USP48: variants seen among roughly 807,000 people sequenced by gnomAD.
USP48 encodes ubiquitin carboxyl-terminal hydrolase 48.
In USP48, 43 loss-of-function variants were observed where a neutral mutation model predicts 150.7. The observed-to-expected ratio is 0.29, with a 90% CI of 0.22 to 0.37. The LOEUF (loss-of-function observed/expected upper bound fraction) is 0.37, where lower values mean the gene tolerates loss of function less well. Among genes scored for constraint, USP48 ranks in the 10% least tolerant of loss-of-function variants. The pLI, the probability that USP48 is intolerant of heterozygous loss-of-function variation, is 1.00. For missense variants in USP48, 813 were observed against 1,249.6 expected (o/e 0.65, Z 5.27); for synonymous variants, 396 against 425.9 (o/e 0.93, Z 0.86).
Position 21,721,173 on chromosome 1 carries a change from A to C in USP48, c.1764-7T>G. 6.2e-7 allele frequency: 1 copy of C among 1,613,860 alleles called. No individual in the cohort carries two copies. Among genetic ancestry groups the C allele is most frequent in the East Asian group, 2.2e-5 (1 of 44,878 alleles). On this transcript the variant is annotated splice_region_variant and splice_polypyrimidine_tract_variant and intron_variant, in intron 13 of 26. Coordinates refer to ENST00000308271, the MANE Select transcript of USP48 (RefSeq NM_032236.8). Reference sequence around the variant, plus strand: ...CACCCAAAATCCATCGCTGCTGTGGAACAGAGAGAATGTTAAATCATATAA... The same window carrying C: ...CACCCAAAATCCATCGCTGCTGTGGCACAGAGAGAATGTTAAATCATATAA...
At chr1:21,762,821 A>G (rs896782580) in intron 1 of USP48, among the ~76,000 whole-genome samples, 20 of 144,686 alleles carry the variant, frequency 1.4e-4, no homozygotes, top group African/African-American at 5.2e-4. Context: ...AGCCGAGATC[A>G]CGCCACTGCA....
At chr1:21,734,740 T>G (rs1339757043) in intron 9 of USP48, among the ~76,000 whole-genome samples, 1 of 152,150 alleles carries the variant, frequency 6.6e-6, no homozygotes, top group Non-Finnish European at 1.5e-5. Context: ...GTGCTGTGTG[T>G]TAGATTTCCA....
At chr1:21,753,719 T>A (rs333201) in intron 3 of USP48, among the ~76,000 whole-genome samples, 11,495 of 145,022 alleles carry the variant, frequency 0.079, 489 homozygotes, top group Middle Eastern at 0.13. Context: ...CCCTGCTACT[T>A]GGGAGGCTGG....
intron 22 of USP48, among the ~76,000 whole-genome samples, chr1:21,697,079 G>C (rs1040986165): frequency 1.3e-5 from 2 of 152,114 alleles, no homozygotes; most frequent in Non-Finnish European, 2.9e-5. Flanking sequence ...CCGTGTATAA[G>C]CAAAGTGGTT....
chr1:21,712,707 C>A (rs946608579), intron 15 of USP48, among the ~76,000 whole-genome samples: 2 of 150,682 alleles, frequency 1.3e-5, no homozygotes, highest in Non-Finnish European at 2.9e-5. Context: ...TGGCTCACTG[C>A]AACCTCCGCC....
rs2097820832 is a variant in USP48 at position 21,753,067 on chromosome 1, C to T, written c.465G>A (p.Leu155=). The T allele has an allele frequency of 6.2e-7, 1 of 1,612,726 alleles. No homozygotes were observed. The highest frequency in any genetic ancestry group is 1.7e-5 in the Admixed American group (1 of 59,750). ...CAATGTATCGCCTATTACTGTTTTG[C>T]AACAAGGCAAACAAGTACTGGAGAT... The part of the protein sequence containing the change: ...CEHLQYLFAL[L]QNSNRRYIDP... The change falls in exon 4 of 27, where the codon TTG becomes TTA. Residue 155 remains leucine, a synonymous_variant. Transcript: ENST00000308271.
At chr1:21,718,300 A>C (rs1022570765) in intron 14 of USP48, among the ~76,000 whole-genome samples, 1 of 152,246 alleles carries the variant, frequency 6.6e-6, no homozygotes, top group African/African-American at 2.4e-5. Context: ...AGAGATGTAC[A>C]ACTGTGCCCA....
intron 8 of USP48, among the ~76,000 whole-genome samples, chr1:21,743,347 CAT>C (rs1451970778): frequency 1.3e-5 from 2 of 152,126 alleles, no homozygotes; most frequent in African/African-American, 2.4e-5. Flanking sequence ...CAGCTGAAAA[CAT>C]ATAAATGTCC....
At chr1:21,756,341 C>T (rs897402671) in intron 3 of USP48, among the ~76,000 whole-genome samples, 30 of 151,558 alleles carry the variant, frequency 2.0e-4, no homozygotes, top group African/African-American at 7.3e-4. Context: ...ACTAGCCAGG[C>T]GTGGTGGCGG....
chr1:21,774,899 A>G (rs1440016605), intron 1 of USP48, among the ~76,000 whole-genome samples: 1 of 151,370 alleles, frequency 6.6e-6, no homozygotes, highest in East Asian at 2.0e-4. Flanking sequence ...GCTGAGGCCC[A>G]AGAATCACTT....
chr1:21,706,276 C>T (rs1449323796), intron 17 of USP48, 89 bp from the exon 18 acceptor site: 1 of 1,523,120 alleles, frequency 6.6e-7, no homozygotes, highest in Non-Finnish European at 8.9e-7. Flanking sequence ...TGTCCTTATT[C>T]AAGTTTTATA....
intron 7 of USP48, among the ~76,000 whole-genome samples, 193 bp downstream of exon 7, chr1:21,747,945 T>C (rs965365133): frequency 2.0e-5 from 3 of 152,362 alleles, no homozygotes; most frequent in Non-Finnish European, 4.4e-5. Context: ...CATTTATATA[T>C]GGTTGGCTTC....
chr1:21,697,868 A>C (rs989302700), intron 22 of USP48, among the ~76,000 whole-genome samples: 1 of 152,080 alleles, frequency 6.6e-6, no homozygotes. Context: ...TCCTGGAATT[A>C]TTTCTTTCTT....
At chr1:21,727,304 G>T (rs2097741077) in intron 11 of USP48, among the ~76,000 whole-genome samples, 2 of 152,114 alleles carry the variant, frequency 1.3e-5, no homozygotes, top group South Asian at 2.1e-4. Flanking sequence ...AAATGGAAAA[G>T]AATTATATAG....
intron 12 of USP48, 89 bp from the exon 13 acceptor site, chr1:21,721,853 C>T: frequency 1.1e-6 from 1 of 941,380 alleles, no homozygotes; most frequent in African/African-American, 1.7e-5. Flanking sequence ...CAAACACAGA[C>T]ACATTCTAAA....
intron 3 of USP48, among the ~76,000 whole-genome samples, chr1:21,755,330 G>C (rs1012232073): frequency 3.3e-5 from 5 of 152,236 alleles, no homozygotes; most frequent in African/African-American, 1.2e-4. Flanking sequence ...GGAGACCAAG[G>C]AAGGTGGATC....
intron 10 of USP48, 47 bp downstream of exon 10, chr1:21,729,657 G>A (rs1246338895): frequency 3.1e-6 from 5 of 1,592,950 alleles, no homozygotes; most frequent in Non-Finnish European, 4.3e-6. Flanking sequence ...CTTTGAGTAT[G>A]GCATTCTAAA....
intron 25 of USP48, among the ~76,000 whole-genome samples, chr1:21,684,015 T>C (rs957895020): frequency 2.0e-5 from 3 of 152,246 alleles, no homozygotes; most frequent in Non-Finnish European, 4.4e-5. Flanking sequence ...CATATAAATA[T>C]AACATATCAA....
chr1:21,781,912 T>C (rs898329280), intron 1 of USP48: 1 of 152,246 alleles, frequency 6.6e-6, no homozygotes, highest in African/African-American at 2.4e-5. Context: ...CTTGGACTTA[T>C]TCGTTTGCTT....
Sources: allele counts gnomAD v4.1 joint callset (sites outside exome capture counted in the v4.1 genomes callset), GRCh38; gene constraint gnomAD v4.1.1; transcripts MANE v1.5; gene names NCBI Gene and HGNC (gene_info 2026-07-23, HGNC 2026-07-21).